CEP112: variants seen among roughly 807,000 people sequenced by gnomAD.
CEP112 encodes the protein centrosomal protein of 112 kDa.
CEP112 carries 127 observed loss-of-function variants against 153.0 expected under a neutral mutation model. The ratio of observed to expected loss-of-function variants is 0.83; its 90% CI spans 0.72 to 0.96. The LOEUF (loss-of-function observed/expected upper bound fraction) is 0.96, where lower values mean the gene tolerates loss of function less well. CEP112 is among the 40% of genes least tolerant of loss of function. The pLI is 0.00. For synonymous variants in CEP112, 358 were observed against 374.4 expected, an observed-to-expected ratio of 0.96 and a Z score of 0.51; for missense variants, 1,089 against 1,101.2, an observed-to-expected ratio of 0.99 and a Z score of 0.16.
At chr17:65,971,106 G>C (rs1330128423) in intron 17 of CEP112, among the ~76,000 whole-genome samples, 4 of 152,142 alleles carry the variant, frequency 2.6e-5, no homozygotes, top group African/African-American at 7.2e-5. Context: ...ATGGTACATT[G>C]CATGTTCCTT....
At chr17:66,147,345 G>C (rs1353641957) in intron 4 of CEP112, among the ~76,000 whole-genome samples, 1 of 151,614 alleles carries the variant, frequency 6.6e-6, no homozygotes, top group East Asian at 1.9e-4. Context: ...TTTTAATCTA[G>C]TTTTTTTTAT....
Position 65,641,044 on chromosome 17 carries a change from A to G in CEP112, c.2719T>C (p.Tyr907His). Residue 907 changes from tyrosine to histidine, a missense_variant, in exon 25 of 27, where the codon TAT becomes CAT. Transcript: ENST00000535342. Reference sequence around the variant, plus strand: ...ATCAATCCTTTCAATTTTGTTTCATATTCTTGTCGTATGTAAGTTATCTAA... The same window carrying G: ...ATCAATCCTTTCAATTTTGTTTCATGTTCTTGTCGTATGTAAGTTATCTAA... ...QEQITYIRQE[Y>H]ETKLKGLMPA... 6.2e-7 allele frequency: 1 copy of G among 1,604,618 alleles called. No homozygotes were observed.
intron 18 of CEP112, among the ~76,000 whole-genome samples, chr17:65,961,118 T>C (rs1445021034): frequency 6.6e-6 from 1 of 152,170 alleles, no homozygotes; most frequent in African/African-American, 2.4e-5. Context: ...ACACTATTTA[T>C]AGAACATGAA....
At chr17:66,180,023 C>A (rs1346511225) in intron 2 of CEP112, among the ~76,000 whole-genome samples, 2 of 152,024 alleles carry the variant, frequency 1.3e-5, no homozygotes, top group Non-Finnish European at 2.9e-5. Flanking sequence ...TCCTTGCATC[C>A]CTGGGATAAA....
chr17:66,057,308 T>C (rs2066732425), intron 11 of CEP112, among the ~76,000 whole-genome samples: 1 of 152,174 alleles, frequency 6.6e-6, no homozygotes, highest in African/African-American at 2.4e-5. Context: ...ATTAGATGTG[T>C]GAGCTGAAGC....
intron 19 of CEP112, among the ~76,000 whole-genome samples, chr17:65,908,462 G>A (rs1391045582): frequency 6.6e-6 from 1 of 152,156 alleles, no homozygotes. Flanking sequence ...TTGGGAGGCT[G>A]AGCCGGGCGG....
At chr17:66,092,984 T>C (rs1160208327) in intron 8 of CEP112, among the ~76,000 whole-genome samples, 2 of 152,166 alleles carry the variant, frequency 1.3e-5, no homozygotes, top group Non-Finnish European at 2.9e-5. Context: ...TCTCACTACT[T>C]CTTTTCAACA....
intron 17 of CEP112, among the ~76,000 whole-genome samples, chr17:65,984,814 CT>C (rs1324164359): frequency 1.3e-5 from 2 of 152,140 alleles, no homozygotes; most frequent in South Asian, 4.1e-4. Context: ...TGAAGCTATA[CT>C]TTCGAACTGG....
chr17:66,023,054 G>C (rs1317665829), intron 16 of CEP112, among the ~76,000 whole-genome samples: 1 of 152,026 alleles, frequency 6.6e-6, no homozygotes, highest in East Asian at 1.9e-4. Flanking sequence ...AAGCCTTTGA[G>C]AAGTATGGGA....
intron 24 of CEP112, among the ~76,000 whole-genome samples, chr17:65,652,417 C>A (rs1242110987): frequency 6.6e-6 from 1 of 151,860 alleles, no homozygotes; most frequent in African/African-American, 2.4e-5. Flanking sequence ...ATAAGTTGCA[C>A]ATAATAGATG....
At chr17:65,750,751 T>A in intron 21 of CEP112, 27 bp from the exon 22 acceptor site, 4 of 1,606,914 alleles carry the variant, frequency 2.5e-6, no homozygotes, top group African/African-American at 1.3e-5. Flanking sequence ...CATGAACACA[T>A]ACACAGTGAC....
chr17:65,936,731 C>A (rs1029219411), intron 18 of CEP112, among the ~76,000 whole-genome samples: 1 of 151,478 alleles, frequency 6.6e-6, no homozygotes, highest in East Asian at 2.0e-4. Flanking sequence ...CAAAATTCAA[C>A]ATCATTTCAT....
intron 21 of CEP112, among the ~76,000 whole-genome samples, chr17:65,791,818 T>A (rs1229554771): frequency 6.6e-6 from 1 of 152,148 alleles, no homozygotes; most frequent in Non-Finnish European, 1.5e-5. Context: ...AATTATGTGG[T>A]TCCCCCTAAA....
At chr17:65,696,299 G>T (rs565104274) in intron 23 of CEP112, among the ~76,000 whole-genome samples, 1 of 152,276 alleles carries the variant, frequency 6.6e-6, no homozygotes, top group South Asian at 2.1e-4. Context: ...CTCTGAGCAC[G>T]TTTTTCTGGG....
intron 8 of CEP112, among the ~76,000 whole-genome samples, chr17:66,073,737 C>T (rs1173477361): frequency 6.6e-6 from 1 of 152,120 alleles, no homozygotes; most frequent in African/African-American, 2.4e-5. Flanking sequence ...ATATCTTTGG[C>T]TTTCTATGTA....
intron 23 of CEP112, among the ~76,000 whole-genome samples, chr17:65,705,652 A>G (rs779170397): frequency 2.6e-5 from 4 of 152,358 alleles, no homozygotes; most frequent in Non-Finnish European, 5.9e-5. Context: ...AATGTGGGAC[A>G]TTCTACAGGA....
intron 17 of CEP112, among the ~76,000 whole-genome samples, chr17:66,004,793 T>A (rs1343678632): frequency 6.6e-6 from 1 of 152,212 alleles, no homozygotes; most frequent in Non-Finnish European, 1.5e-5. Context: ...GGTATTCTTT[T>A]TGGCCTTTCT....
At chr17:65,710,227 G>C (rs972617180) in intron 23 of CEP112, among the ~76,000 whole-genome samples, 1 of 152,178 alleles carries the variant, frequency 6.6e-6, no homozygotes, top group African/African-American at 2.4e-5. Context: ...TAAGGACACG[G>C]GCTACTGAAA....
intron 1 of CEP112, among the ~76,000 whole-genome samples, chr17:66,189,344 T>G (rs995884569): frequency 2.0e-5 from 3 of 151,144 alleles, no homozygotes; most frequent in African/African-American, 7.3e-5. Context: ...CTACTAAAAA[T>G]ACCAAAAAAA....
Sources: gnomAD v4.1 joint callset for allele counts (sites outside exome capture counted in the v4.1 genomes callset) on GRCh38, gnomAD v4.1.1 for gene constraint, MANE v1.5 for transcripts, NCBI Gene and HGNC (gene_info 2026-07-23, HGNC 2026-07-21) for gene names.